RBMS3: variants seen among roughly 807,000 people sequenced by gnomAD.
RBMS3 encodes RNA binding motif single stranded interacting protein 3.
In RBMS3, 27 loss-of-function variants were observed where a neutral mutation model predicts 66.8. That is an observed-to-expected ratio of 0.40 (90% CI 0.30 to 0.56). RBMS3 has a LOEUF of 0.56. Among genes scored for constraint, RBMS3 ranks in the 20% least tolerant of loss-of-function variants. The probability of loss-of-function intolerance (pLI) is 0.40; values close to 1 mark genes in which losing one functional copy is unlikely to be tolerated. For synonymous variants in RBMS3, 188 were observed against 183.0 expected, an observed-to-expected ratio of 1.03 and a Z score of -0.22; for missense variants, 513 against 549.5, an observed-to-expected ratio of 0.93 and a Z score of 0.66.
intron 3 of RBMS3, among the ~76,000 whole-genome samples, chr3:29,558,904 A>G (rs2046445901): frequency 1.3e-5 from 2 of 152,178 alleles, no homozygotes; most frequent in Admixed American, 1.3e-4. Flanking sequence ...TTGCGAGGGA[A>G]TAGAACAGAA....
chr3:29,871,774 A>ACT (rs1216466390), intron 7 of RBMS3, among the ~76,000 whole-genome samples: 2 of 152,166 alleles, frequency 1.3e-5, no homozygotes, highest in Non-Finnish European at 1.5e-5. Context: ...AATAGATTAC[A>ACT]AGTATTTTAG....
intron 2 of RBMS3, among the ~76,000 whole-genome samples, chr3:29,482,937 A>C (rs1300535621): frequency 4.0e-5 from 6 of 150,646 alleles, no homozygotes; most frequent in Admixed American, 6.6e-5. Flanking sequence ...CGAACTCCTA[A>C]CCTCGTGATC....
intron 4 of RBMS3, among the ~76,000 whole-genome samples, chr3:29,666,436 T>G (rs9865546): frequency 6.6e-6 from 1 of 152,136 alleles, no homozygotes; most frequent in Non-Finnish European, 1.5e-5. Context: ...GCTTAATGAA[T>G]GAGTAAATGC....
chr3:29,952,063 G>A (rs1291509469), intron 12 of RBMS3, among the ~76,000 whole-genome samples: 1 of 151,714 alleles, frequency 6.6e-6, no homozygotes, highest in African/African-American at 2.4e-5. Flanking sequence ...GTTTTAAGGA[G>A]ACATTTATGT....
intron 3 of RBMS3, among the ~76,000 whole-genome samples, chr3:29,569,350 C>T (rs968459173): frequency 4.6e-5 from 7 of 151,858 alleles, no homozygotes; most frequent in South Asian, 2.1e-4. Context: ...TAAAGGGACA[C>T]GAAAGAGCTG....
chr3:29,760,078 G>T (rs989244179), intron 5 of RBMS3, among the ~76,000 whole-genome samples: 1 of 151,996 alleles, frequency 6.6e-6, no homozygotes, highest in South Asian at 2.1e-4. Context: ...CCCCCATCCA[G>T]CTTGATATGG....
chr3:29,522,831 C>T (rs144980307), intron 3 of RBMS3, among the ~76,000 whole-genome samples: 1 of 152,214 alleles, frequency 6.6e-6, no homozygotes, highest in African/African-American at 2.4e-5. Flanking sequence ...TTCTATAGAC[C>T]AACAGGGAGT....
At chr3:29,677,943 G>T (rs2051323933) in intron 4 of RBMS3, among the ~76,000 whole-genome samples, 1 of 152,126 alleles carries the variant, frequency 6.6e-6, no homozygotes, top group African/African-American at 2.4e-5. Flanking sequence ...CTGAGCCTCA[G>T]TTTCTTTACA....
intron 3 of RBMS3, among the ~76,000 whole-genome samples, chr3:29,556,175 C>T (rs895255791): frequency 1.3e-5 from 2 of 151,976 alleles, no homozygotes; most frequent in African/African-American, 4.8e-5. Context: ...TTTGAAAAGA[C>T]AAAATTATTT....
intron 3 of RBMS3, among the ~76,000 whole-genome samples, chr3:29,521,259 A>G (rs983839920): frequency 6.6e-6 from 1 of 152,170 alleles, no homozygotes; most frequent in Admixed American, 6.5e-5. Flanking sequence ...TATGAACCCT[A>G]GTTCATAGGC....
intron 5 of RBMS3, among the ~76,000 whole-genome samples, chr3:29,749,348 C>T (rs1366287301): frequency 6.6e-6 from 1 of 152,150 alleles, no homozygotes; most frequent in Admixed American, 6.5e-5. Context: ...TCCAGTTCCC[C>T]ATGTAAACCA....
intron 6 of RBMS3, among the ~76,000 whole-genome samples, chr3:29,855,061 T>A (rs1024405660): frequency 1.3e-5 from 2 of 152,232 alleles, no homozygotes; most frequent in Non-Finnish European, 2.9e-5. Flanking sequence ...TCATAAAAGT[T>A]ATTCCCCTGT....
intron 6 of RBMS3, among the ~76,000 whole-genome samples, chr3:29,811,818 G>GAATGTTCTTTTTTTCTC (rs1294454852): frequency 6.6e-6 from 1 of 152,158 alleles, no homozygotes; most frequent in Non-Finnish European, 1.5e-5. Context: ...CACTTCCCCA[G>GAATGTTCTTTTTTTCTC]ACTTCCTGCA....
chr3:29,383,285 G>A (rs2038856734), intron 1 of RBMS3, among the ~76,000 whole-genome samples: 1 of 152,188 alleles, frequency 6.6e-6, no homozygotes, highest in South Asian at 2.1e-4. Context: ...CCTCTGATTA[G>A]ACTAGCTTGG....
At chr3:29,421,728 T>C (rs1016197553) in intron 1 of RBMS3, among the ~76,000 whole-genome samples, 2 of 152,172 alleles carry the variant, frequency 1.3e-5, no homozygotes, top group African/African-American at 4.8e-5. Context: ...TAGCTACTAT[T>C]AGTAGCTCCT....
intron 4 of RBMS3, among the ~76,000 whole-genome samples, chr3:29,726,166 T>C (rs1156876596): frequency 1.3e-5 from 2 of 152,310 alleles, no homozygotes; most frequent in African/African-American, 2.4e-5. Flanking sequence ...CACCCCTTCA[T>C]GCTAAAAACT....
intron 12 of RBMS3, among the ~76,000 whole-genome samples, chr3:29,976,175 G>A (rs896220772): frequency 1.5e-4 from 23 of 151,732 alleles, no homozygotes; most frequent in African/African-American, 4.4e-4. Flanking sequence ...CCTCACTCCC[G>A]AATACAATAA....
intron 4 of RBMS3, among the ~76,000 whole-genome samples, chr3:29,643,905 C>A (rs367916175): frequency 1.3e-5 from 2 of 152,148 alleles, no homozygotes; most frequent in African/African-American, 4.8e-5. Context: ...GAATTTCCTG[C>A]CATTTTCTTT....
intron 6 of RBMS3, among the ~76,000 whole-genome samples, chr3:29,771,927 G>T (rs942372004): frequency 1.3e-5 from 2 of 151,932 alleles, no homozygotes; most frequent in African/African-American, 4.8e-5. Flanking sequence ...CTCCCACTAG[G>T]CCCCTCCTCC....
Sources: allele counts gnomAD v4.1 joint callset (sites outside exome capture counted in the v4.1 genomes callset), GRCh38; gene constraint gnomAD v4.1.1; transcripts MANE v1.5; gene names NCBI Gene and HGNC (gene_info 2026-07-23, HGNC 2026-07-21).